PRDM16: variants seen among roughly 807,000 people sequenced by gnomAD.
PRDM16 encodes the protein PR/SET domain 16, also known as histone-lysine N-methyltransferase PRDM16.
PRDM16 carries 23 observed loss-of-function variants against 110.6 expected under a neutral mutation model. That is an observed-to-expected ratio of 0.21 (90% CI 0.15 to 0.29). The LOEUF is 0.29. PRDM16 is among the 10% of genes least tolerant of loss of function. The pLI is 1.00. For missense variants in PRDM16, 1,615 were observed against 1,794.3 expected (o/e 0.90, Z 1.81); for synonymous variants, 799 against 781.8 (o/e 1.02, Z -0.37).
intron 3 of PRDM16, among the ~76,000 whole-genome samples, chr1:3,376,617 GTC>G (rs760223687): frequency 6.6e-6 from 1 of 152,170 alleles, no homozygotes; most frequent in Non-Finnish European, 1.5e-5. Flanking sequence ...CTTGCTCTCT[GTC>G]TCTCTCTGCG....
At chr1:3,414,683 C>T in intron 10 of PRDM16, 36 bp downstream of exon 10, 1 of 1,539,308 alleles carries the variant, frequency 6.5e-7, no homozygotes, top group Non-Finnish European at 9.0e-7. Context: ...GCCCTGTAAC[C>T]CACACGCCAG....
chr1:3,119,280 G>A lies in PRDM16; in HGVS notation c.37+49984G>A, dbSNP rs189709213. Reference sequence around the variant, plus strand: ...CTGGTGAAGGGCCGGTGCCTCGGCCGGTGCCGTGGACATTCTTTGTGCGGC... The same window carrying A: ...CTGGTGAAGGGCCGGTGCCTCGGCCAGTGCCGTGGACATTCTTTGTGCGGC... On this transcript the variant is annotated intron_variant, in intron 1 of 16. Transcript: ENST00000270722. 2.1e-3 allele frequency among the ~76,000 whole-genome samples: 321 copies of A among 152,362 alleles called. 5 individuals are homozygous for A. Among genetic ancestry groups the A allele is most frequent in the South Asian group, 9.3e-3 (45 of 4,832 alleles).
intron 1 of PRDM16, among the ~76,000 whole-genome samples, chr1:3,136,519 T>C (rs1643441651): frequency 6.6e-6 from 1 of 152,124 alleles, no homozygotes; most frequent in Non-Finnish European, 1.5e-5. Flanking sequence ...GGTTTCTAGT[T>C]TGGAGGTGCA....
intron 2 of PRDM16, among the ~76,000 whole-genome samples, chr1:3,193,367 C>A (rs1638365033): frequency 1.3e-5 from 2 of 152,346 alleles, no homozygotes; most frequent in Admixed American, 1.3e-4. Flanking sequence ...TCCAGGCTGC[C>A]TCATGGCTCT....
chr1:3,232,477 A>G (rs1639438303), intron 2 of PRDM16, among the ~76,000 whole-genome samples: 1 of 152,138 alleles, frequency 6.6e-6, no homozygotes, highest in Non-Finnish European at 1.5e-5. Flanking sequence ...TTGTTATTTT[A>G]TTTCAATCAG....
chr1:3,278,906 C>CCT (rs1640648746), intron 3 of PRDM16, among the ~76,000 whole-genome samples: 1 of 152,230 alleles, frequency 6.6e-6, no homozygotes, highest in South Asian at 2.1e-4. Context: ...CGAGCCGTGG[C>CCT]CTCTCCCATC....
chr1:3,243,925 A>G lies in PRDM16; in HGVS notation c.388-162A>G, dbSNP rs577016370. On this transcript the variant is annotated intron_variant, in intron 2 of 16. Transcript: ENST00000270722. The surrounding 1 kb of genome is among the most constrained non-coding windows in gnomAD (Gnocchi z 5.5). ...GGGAGCCTCTGCTGGAAGAAGGGAT[A>G]CCTGTGATCAATGGAACCCTTCATT... is the stretch of plus-strand genomic sequence containing the variant. Among the ~76,000 whole-genome samples, 293 of 152,150 alleles carry G rather than the reference A, an allele frequency of 1.9e-3. No homozygotes were observed. The highest frequency in any genetic ancestry group is 6.4e-3 in the African/African-American group (264 of 41,502).
chr1:3,248,011 C>G (rs1027346082), intron 3 of PRDM16, among the ~76,000 whole-genome samples: 1 of 152,142 alleles, frequency 6.6e-6, no homozygotes. Flanking sequence ...GAGAGCCCGC[C>G]GGAGCCGGTA....
chr1:3,187,385 C>T (rs1644282958), intron 2 of PRDM16, among the ~76,000 whole-genome samples: 1 of 152,198 alleles, frequency 6.6e-6, no homozygotes, highest in Non-Finnish European at 1.5e-5. Flanking sequence ...TGGAGGTGGG[C>T]TCCTCATGGG....
intron 3 of PRDM16, among the ~76,000 whole-genome samples, chr1:3,274,467 T>A (rs921640936): frequency 6.6e-6 from 1 of 152,198 alleles, no homozygotes; most frequent in East Asian, 1.9e-4. Flanking sequence ...ACTGCTGGCA[T>A]GGGCTCTTAG....
At chr1:3,326,059 C>T (rs78788477) in intron 3 of PRDM16, among the ~76,000 whole-genome samples, 19 of 46,856 alleles carry the variant, frequency 4.1e-4, no homozygotes, top group African/African-American at 1.2e-3. Flanking sequence ...CTCTTGGCCC[C>T]CCTTGGCCAT....
In PRDM16 at chr1:3,434,019, T is replaced by C. The variant is rs1638843985; in HGVS notation, c.*208T>C. 6.9e-6 allele frequency: 4 copies of C among 579,434 alleles called. No homozygotes were observed. The highest frequency in any genetic ancestry group is 3.8e-5 in the African/African-American group (2 of 53,094). The allele number at this position is 579,434 out of a possible 1,614,324, so 35.9% of individuals were successfully genotyped here. A position where few individuals can be genotyped will look rare whatever the true frequency, so the allele number is the denominator to read the frequency against. On this transcript the variant is annotated 3_prime_UTR_variant, in exon 17 of 17. Transcript: ENST00000270722. Reference sequence around the variant, plus strand: ...CGTAGAGTCTCACCATCTCCAAGGATTGGTCTTGAGAACACTGTTCAGTGA... The same window carrying C: ...CGTAGAGTCTCACCATCTCCAAGGACTGGTCTTGAGAACACTGTTCAGTGA...
At chr1:3,305,823 G>A (rs1641300363) in intron 3 of PRDM16, among the ~76,000 whole-genome samples, 1 of 152,242 alleles carries the variant, frequency 6.6e-6, no homozygotes, top group South Asian at 2.1e-4. Flanking sequence ...CAGGATGCGA[G>A]AAGGGAACCC....
rs1642227090 is a variant in PRDM16, at chr1:3,089,605, A to G, written c.37+20309A>G. On this transcript the variant is annotated intron_variant, in intron 1 of 16. Coordinates refer to ENST00000270722, the MANE Select transcript of PRDM16 (RefSeq NM_022114.4). ...CTACAATAGTGTTTCTAATTTAAAC[A>G]GAAATGCCCCTGCCGGTGAGGGGCT... is the stretch of plus-strand genomic sequence containing the variant. Among the ~76,000 whole-genome samples the G allele has an allele frequency of 2.0e-5, 3 of 152,270 alleles. No individual in the cohort carries two copies. The South Asian group carries it at 6.2e-4, about 32-fold the overall frequency.
rs561709128 is a variant in PRDM16 at position 3,255,868 on chromosome 1, C to T, written c.438+11731C>T. Reference sequence around the variant, plus strand: ...TGGCCGCACCGACACCCGAAGCCAACCCCGTGGCCGCACTGACACCCGAAG... The same window carrying T: ...TGGCCGCACCGACACCCGAAGCCAATCCCGTGGCCGCACTGACACCCGAAG... On this transcript the variant is annotated intron_variant, in intron 3 of 16. Transcript: ENST00000270722. The surrounding 1 kb of genome is among the most constrained non-coding windows in gnomAD (Gnocchi z 4.7). 4.0e-4 allele frequency among the ~76,000 whole-genome samples: 59 copies of T among 147,648 alleles called. 1 individual carries two copies. In the South Asian group the frequency reaches 0.012, roughly 30 times the overall value.
In PRDM16 at chr1:3,087,242, CGGAGA is replaced by C. The variant is rs1206731247; in HGVS notation, c.37+17947_37+17951del. 5.1e-4 allele frequency among the ~76,000 whole-genome samples: 75 copies of C among 148,198 alleles called. 2 individuals are homozygous for C. Among genetic ancestry groups the C allele is most frequent in the African/African-American group, 1.9e-3 (72 of 38,748 alleles). On this transcript the variant is annotated intron_variant, in intron 1 of 16. Coordinates refer to ENST00000270722, the MANE Select transcript of PRDM16 (RefSeq NM_022114.4). ...CAGCCCCACCCGAGACCAGCCCCAC[CGGAGA>C]CCAGCCCCACCTGAGACCAGCCCCA...
chr1:3,398,452 G>C (rs967031628), intron 5 of PRDM16, among the ~76,000 whole-genome samples: 1 of 152,084 alleles, frequency 6.6e-6, no homozygotes, highest in Admixed American at 6.5e-5. Context: ...GAAAGAAAAT[G>C]CAAAAATGTT....
chr1:3,361,387 G>A (rs1293113245), intron 3 of PRDM16, among the ~76,000 whole-genome samples: 1 of 152,222 alleles, frequency 6.6e-6, no homozygotes, highest in Non-Finnish European at 1.5e-5. Context: ...CGATGTCTGG[G>A]CAGCTGCCCC....
At chr1:3,112,442 G>A (rs1243972297) in intron 1 of PRDM16, among the ~76,000 whole-genome samples, 1 of 152,254 alleles carries the variant, frequency 6.6e-6, no homozygotes, top group Non-Finnish European at 1.5e-5. Flanking sequence ...TCAAGTAAGA[G>A]GAGCCCCGCG....
Sources: gnomAD v4.1 joint callset for allele counts (sites outside exome capture counted in the v4.1 genomes callset) on GRCh38, gnomAD v4.1.1 for gene constraint, Gnocchi (gnomAD v3.1) non-coding constraint, MANE v1.5 for transcripts, NCBI Gene and HGNC (gene_info 2026-07-23, HGNC 2026-07-21) for gene names.